The following CACNB2 variants were observed in gnomAD, a reference collection of about 807,000 sequenced individuals.
The protein encoded by CACNB2 is voltage-dependent L-type calcium channel subunit beta-2.
Under a neutral mutation model 73.3 loss-of-function variants are expected in CACNB2, and 42 were observed. The ratio of observed to expected loss-of-function variants is 0.57; its 90% confidence interval spans 0.45 to 0.74. The LOEUF (loss-of-function observed/expected upper bound fraction) is 0.74, where lower values mean the gene tolerates loss of function less well. Ranked by LOEUF, CACNB2 falls within the 30% of genes least tolerant of loss-of-function variation. CACNB2 has a pLI of 0.00. For missense variants in CACNB2, 940 were observed against 853.0 expected, an observed-to-expected ratio of 1.10 and a Z score of -1.27; for synonymous variants, 348 against 310.3, an observed-to-expected ratio of 1.12 and a Z score of -1.28.
chr10:18,519,910 A>G (rs1176190200), intron 9 of CACNB2: 3 of 358,830 alleles, frequency 8.4e-6, no homozygotes, highest in Non-Finnish European at 1.6e-5. Flanking sequence ...GACATGGTGG[A>G]TTATTCCATC....
chr10:18,268,522 T>C (rs1329070907), intron 2 of CACNB2, among the ~76,000 whole-genome samples: 1 of 152,198 alleles, frequency 6.6e-6, no homozygotes, highest in Non-Finnish European at 1.5e-5. Context: ...AATTAAGACG[T>C]AGAGCAATGT....
chr10:18,372,054 GT>G (rs1201583186), intron 2 of CACNB2, among the ~76,000 whole-genome samples: 12 of 152,202 alleles, frequency 7.9e-5, no homozygotes, highest in African/African-American at 1.9e-4. Flanking sequence ...GGGGTTGTTT[GT>G]TTTTTTCTTG....
intron 9 of CACNB2, among the ~76,000 whole-genome samples, 168 bp downstream of exon 9, chr10:18,519,136 G>T (rs1369223178): frequency 6.6e-6 from 1 of 152,066 alleles, no homozygotes; most frequent in Non-Finnish European, 1.5e-5. Context: ...TATCATATTT[G>T]CTTGGTACAT....
intron 6 of CACNB2, among the ~76,000 whole-genome samples, chr10:18,510,325 G>A (rs1473982588): frequency 6.6e-6 from 1 of 151,716 alleles, no homozygotes; most frequent in Non-Finnish European, 1.5e-5. Context: ...TTTTTTTTGA[G>A]ATGGAGTCTC....
At chr10:18,285,160 A>G (rs538756453) in intron 2 of CACNB2, among the ~76,000 whole-genome samples, 2 of 152,218 alleles carry the variant, frequency 1.3e-5, no homozygotes, top group African/African-American at 4.8e-5. Context: ...CTCCCAACCC[A>G]TGAGCCATAT....
chr10:18,351,947 T>C (rs963783438), intron 2 of CACNB2, among the ~76,000 whole-genome samples: 51 of 152,242 alleles, frequency 3.3e-4, no homozygotes, highest in African/African-American at 1.2e-3. Context: ...ACATAGAGAA[T>C]TTCAAATGTT....
chr10:18,198,292 C>G (rs948580334), intron 2 of CACNB2, among the ~76,000 whole-genome samples: 1 of 151,178 alleles, frequency 6.6e-6, no homozygotes, highest in Non-Finnish European at 1.5e-5. Flanking sequence ...ATATTTAAAG[C>G]TCATATGTTC....
intron 2 of CACNB2, among the ~76,000 whole-genome samples, chr10:18,222,841 G>A (rs995845916): frequency 1.3e-5 from 2 of 152,180 alleles, no homozygotes; most frequent in Non-Finnish European, 2.9e-5. Flanking sequence ...GGAGGCTGAG[G>A]CAGGAGAATT....
chr10:18,527,453 G>C (rs940860355), intron 9 of CACNB2, 135 bp from the exon 10 acceptor site: 74 of 655,756 alleles, frequency 1.1e-4, no homozygotes, highest in Non-Finnish European at 3.8e-5. Context: ...GAATAAGTAA[G>C]TATCCTAACA....
chr10:18,529,454 C>A (rs566569953), intron 10 of CACNB2, among the ~76,000 whole-genome samples: 2 of 152,116 alleles, frequency 1.3e-5, no homozygotes, highest in South Asian at 2.1e-4. Context: ...GCAAAGTGGT[C>A]GAGCCATGAA....
chr10:18,451,813 C>G (rs1649249682), intron 3 of CACNB2, among the ~76,000 whole-genome samples: 1 of 152,188 alleles, frequency 6.6e-6, no homozygotes, highest in African/African-American at 2.4e-5. Flanking sequence ...TTGCATTTAA[C>G]TTTGAAGGCA....
At chr10:18,155,124 G>A (rs990513404) in intron 2 of CACNB2, among the ~76,000 whole-genome samples, 1 of 152,094 alleles carries the variant, frequency 6.6e-6, no homozygotes, top group African/African-American at 2.4e-5. Context: ...TTGTCATAAG[G>A]TCAACCCCTG....
intron 2 of CACNB2, among the ~76,000 whole-genome samples, chr10:18,393,708 G>A (rs2043587764): frequency 6.6e-6 from 1 of 152,294 alleles, no homozygotes; most frequent in Non-Finnish European, 1.5e-5. Flanking sequence ...TTCATTTTCA[G>A]CAAAGAGAGA....
At chr10:18,250,336 C>T (rs1258339069) in intron 2 of CACNB2, among the ~76,000 whole-genome samples, 1 of 152,180 alleles carries the variant, frequency 6.6e-6, no homozygotes, top group Non-Finnish European at 1.5e-5. Context: ...TATGATCTGG[C>T]CACTCAACGG....
chr10:18,247,489 G>T (rs1770258648), intron 2 of CACNB2, among the ~76,000 whole-genome samples: 1 of 152,148 alleles, frequency 6.6e-6, no homozygotes, highest in African/African-American at 2.4e-5. Context: ...TGAAGTGCCG[G>T]CTGGATATAG....
chr10:18,537,774 C>G (rs2053747796), intron 12 of CACNB2, among the ~76,000 whole-genome samples: 2 of 152,088 alleles, frequency 1.3e-5, no homozygotes, highest in South Asian at 4.2e-4. Context: ...AAGACTCTGT[C>G]TCAAAAAAAG....
chr10:18,373,946 G>A (rs2042689932), intron 2 of CACNB2, among the ~76,000 whole-genome samples: 1 of 152,154 alleles, frequency 6.6e-6, no homozygotes, highest in Non-Finnish European at 1.5e-5. Context: ...GACTTGTGTA[G>A]AGGAATAGAA....
intron 2 of CACNB2, among the ~76,000 whole-genome samples, chr10:18,332,574 G>A (rs988361518): frequency 5.9e-5 from 9 of 152,160 alleles, no homozygotes; most frequent in African/African-American, 2.2e-4. Context: ...TTCAGCATAG[G>A]TGAGAAGTGA....
intron 3 of CACNB2, among the ~76,000 whole-genome samples, chr10:18,437,974 G>C (rs1454671729): frequency 1.3e-5 from 2 of 149,204 alleles, no homozygotes; most frequent in Non-Finnish European, 3.0e-5. Flanking sequence ...CCTGAGTCTG[G>C]GGGTGTCGGG....
Sources: allele counts gnomAD v4.1 joint callset (sites outside exome capture counted in the v4.1 genomes callset), GRCh38; gene constraint gnomAD v4.1.1; transcripts MANE v1.5; gene names NCBI Gene and HGNC (gene_info 2026-07-23, HGNC 2026-07-21).